The following MAN1C1 variants were observed in gnomAD, a reference collection of about 807,000 sequenced individuals.
MAN1C1 encodes mannosyl-oligosaccharide 1,2-alpha-mannosidase IC.
MAN1C1 carries 49 observed loss-of-function variants against 71.5 expected under a neutral mutation model. The observed-to-expected ratio is 0.69, with a 90% confidence interval of 0.54 to 0.87. The LOEUF (loss-of-function observed/expected upper bound fraction) is 0.87, where lower values mean the gene tolerates loss of function less well. Among genes scored for constraint, MAN1C1 ranks in the 40% least tolerant of loss-of-function variants. MAN1C1 has a pLI of 0.00. For synonymous variants in MAN1C1, 352 were observed against 343.7 expected (o/e 1.02, Z -0.27); for missense variants, 743 against 835.0 (o/e 0.89, Z 1.36).
rs1046476023 is a variant in MAN1C1 at position 25,617,162 on chromosome 1, G to A, written c.-636G>A. 2.6e-5 allele frequency among the ~76,000 whole-genome samples: 4 copies of A among 151,802 alleles called. No homozygotes were observed. Among genetic ancestry groups the A allele is most frequent in the African/African-American group, 9.7e-5 (4 of 41,386 alleles). ...CTGCTCCTGCTCCCTGGCCACTCCG[G>A]CTCCCAGCTCCCGGCGCCCTCTCCG... On this transcript the variant is annotated 5_prime_UTR_variant, in exon 1 of 12. Transcript: ENST00000374332. The surrounding 1 kb of genome is among the most constrained non-coding windows in gnomAD (Gnocchi z 5.1).
intron 7 of MAN1C1, among the ~76,000 whole-genome samples, chr1:25,768,299 G>A (rs1382004455): frequency 2.3e-3 from 8 of 3,516 alleles, no homozygotes; most frequent in Admixed American, 7.5e-3. Context: ...TCACACACAC[G>A]CATTACACAC....
rs1212524163 is a variant in MAN1C1 at position 25,730,984 on chromosome 1, A to G, written c.638-15684A>G. ...CAGAGCCAAGGCACATGGTTTGACC[A>G]CAAGCCTGTGCTTCCCCCACAATCG... On this transcript the variant is annotated intron_variant, in intron 2 of 11. Transcript: ENST00000374332. The surrounding 1 kb of genome is among the most constrained non-coding windows in gnomAD (Gnocchi z 4.3). 1.3e-5 allele frequency among the ~76,000 whole-genome samples: 2 copies of G among 152,200 alleles called. No homozygotes were observed. The highest frequency in any genetic ancestry group is 1.5e-5 in the Non-Finnish European group (1 of 68,028).
intron 3 of MAN1C1, among the ~76,000 whole-genome samples, chr1:25,748,438 GACA>G (rs2047167672): frequency 6.6e-6 from 1 of 152,230 alleles, no homozygotes; most frequent in Non-Finnish European, 1.5e-5. Context: ...CAAGGAGGGT[GACA>G]ACAGGCATGT....
chr1:25,673,481 C>T (rs1372090891), intron 1 of MAN1C1, among the ~76,000 whole-genome samples: 1 of 151,624 alleles, frequency 6.6e-6, no homozygotes, highest in Non-Finnish European at 1.5e-5. Flanking sequence ...TATACCAGTC[C>T]TATAAAATTA....
chr1:25,709,353 C>G (rs2046571539), intron 2 of MAN1C1, among the ~76,000 whole-genome samples: 1 of 152,156 alleles, frequency 6.6e-6, no homozygotes, highest in Non-Finnish European at 1.5e-5. Flanking sequence ...AACAGCAGCT[C>G]CAGGCCCTCA....
At chr1:25,747,386 C>G (rs2047145080) in intron 3 of MAN1C1, among the ~76,000 whole-genome samples, 2 of 152,232 alleles carry the variant, frequency 1.3e-5, no homozygotes. Context: ...CCTTGAACAC[C>G]ACAGCCCACC....
intron 2 of MAN1C1, among the ~76,000 whole-genome samples, chr1:25,715,838 C>A (rs1275388937): frequency 2.0e-5 from 3 of 152,144 alleles, no homozygotes; most frequent in Non-Finnish European, 4.4e-5. Flanking sequence ...CTCAGGAAAC[C>A]CAAAATAGCA....
At chr1:25,648,942 A>T (rs1380138298) in intron 1 of MAN1C1, among the ~76,000 whole-genome samples, 3 of 152,240 alleles carry the variant, frequency 2.0e-5, no homozygotes, top group Non-Finnish European at 4.4e-5. Flanking sequence ...GCTAATAGTC[A>T]TCACACTAAT....
intron 1 of MAN1C1, chr1:25,644,901 G>A (rs1453089004): frequency 1.3e-5 from 2 of 152,114 alleles, no homozygotes; most frequent in African/African-American, 2.4e-5. Flanking sequence ...AGGAAAACCT[G>A]GATGGAAAGG....
chr1:25,694,420 A>G (rs2046345030), intron 2 of MAN1C1, among the ~76,000 whole-genome samples: 1 of 152,182 alleles, frequency 6.6e-6, no homozygotes, highest in South Asian at 2.1e-4. Context: ...CTGCCAGCCA[A>G]ATCCCCATTT....
chr1:25,707,218 G>A (rs1430179464), intron 2 of MAN1C1, among the ~76,000 whole-genome samples: 6 of 152,196 alleles, frequency 3.9e-5, no homozygotes, highest in Admixed American at 1.3e-4. Flanking sequence ...AAATGCCAAC[G>A]TATAAAGCCA....
At chr1:25,768,450 T>C (rs1467604292) in intron 7 of MAN1C1, among the ~76,000 whole-genome samples, 10 of 68,596 alleles carry the variant, frequency 1.5e-4, no homozygotes, top group Middle Eastern at 0.016. Context: ...CTCACACACA[T>C]CCACACTCCC....
At chr1:25,756,241 A>T (rs2047284225) in intron 5 of MAN1C1, among the ~76,000 whole-genome samples, 1 of 152,216 alleles carries the variant, frequency 6.6e-6, no homozygotes, top group South Asian at 2.1e-4. Context: ...AGGGATGAGG[A>T]AACTGAGTTC....
At chr1:25,761,962 C>T (rs550817919) in intron 6 of MAN1C1, among the ~76,000 whole-genome samples, 5 of 151,982 alleles carry the variant, frequency 3.3e-5, no homozygotes, top group Non-Finnish European at 2.9e-5. Flanking sequence ...TATTACATTG[C>T]ACTTATAAGT....
At chr1:25,748,906 C>G (rs1411117557) in intron 3 of MAN1C1, among the ~76,000 whole-genome samples, 2 of 152,154 alleles carry the variant, frequency 1.3e-5, no homozygotes, top group Admixed American at 6.5e-5. Context: ...GTAGCCTGGC[C>G]AGAGTGGGAT....
At chr1:25,688,090 G>A (rs927436973) in intron 2 of MAN1C1, among the ~76,000 whole-genome samples, 1 of 152,100 alleles carries the variant, frequency 6.6e-6, no homozygotes, top group Non-Finnish European at 1.5e-5. Context: ...GGTAAAGATT[G>A]TTTCCATTTT....
rs768163245 is a variant in MAN1C1 at position 25,758,615 on chromosome 1, C to CCGG, written c.955_957dup (p.Gly319dup). ...AGTGGGAACTGGGGCTGGGCCACAG[C>CCGG]CGGCAGCAGCAGCATCTTGGCGGAG... On this transcript the variant is annotated inframe_insertion, in exon 6 of 12. Coordinates refer to ENST00000374332, the MANE Select transcript of MAN1C1 (RefSeq NM_020379.4). The CCGG allele has an allele frequency of 9.9e-6, 16 of 1,614,208 alleles. No homozygotes were observed. In the South Asian group the frequency reaches 1.3e-4, roughly 13 times the overall value.
chr1:25,755,387 A>G (rs766931615), intron 5 of MAN1C1, among the ~76,000 whole-genome samples: 9 of 152,204 alleles, frequency 5.9e-5, no homozygotes, highest in Non-Finnish European at 1.0e-4. Context: ...TGCCACCCTT[A>G]TAGATCATAA....
chr1:25,661,754 TG>T (rs1265063917), intron 1 of MAN1C1, among the ~76,000 whole-genome samples: 1 of 152,220 alleles, frequency 6.6e-6, no homozygotes, highest in African/African-American at 2.4e-5. Context: ...GTGCTGTGTG[TG>T]GGGTTGAAGG....
Sources: allele counts gnomAD v4.1 joint callset (sites outside exome capture counted in the v4.1 genomes callset), GRCh38; gene constraint gnomAD v4.1.1; non-coding constraint Gnocchi (gnomAD v3.1); transcripts MANE v1.5; gene names NCBI Gene and HGNC (gene_info 2026-07-23, HGNC 2026-07-21).